The following ZBTB20 variants were observed in gnomAD, a reference collection of about 807,000 sequenced individuals.
ZBTB20 encodes zinc finger and BTB domain-containing protein 20.
ZBTB20 carries 9 observed loss-of-function variants against 56.9 expected under a neutral mutation model. The ratio of observed to expected loss-of-function variants is 0.16; its 90% CI spans 0.10 to 0.28. The LOEUF is 0.28. Ranked by LOEUF, ZBTB20 falls within the 10% of genes least tolerant of loss-of-function variation. The pLI is 1.00. For missense variants in ZBTB20, 655 were observed against 1,003.0 expected (o/e 0.65, Z 4.69); for synonymous variants, 417 against 420.7 (o/e 0.99, Z 0.11).
intron 2 of ZBTB20, among the ~76,000 whole-genome samples, chr3:115,066,220 C>T (rs1004004309): frequency 3.3e-5 from 5 of 152,048 alleles, no homozygotes; most frequent in African/African-American, 1.2e-4. Context: ...CCCTCAATTC[C>T]TTCCTGACCT....
At chr3:114,342,474 T>G (rs1391286737) in intron 11 of ZBTB20, among the ~76,000 whole-genome samples, 1 of 152,202 alleles carries the variant, frequency 6.6e-6, no homozygotes, top group Non-Finnish European at 1.5e-5. Flanking sequence ...TTCCTTCACT[T>G]TAAATGATCC....
At chr3:115,094,117 G>A (rs1333664847) in intron 1 of ZBTB20, among the ~76,000 whole-genome samples, 1 of 151,982 alleles carries the variant, frequency 6.6e-6, no homozygotes, top group Non-Finnish European at 1.5e-5. Context: ...TTCTAGAAAT[G>A]AGGTGAGGGG....
chr3:114,544,001 A>G (rs2049423162), intron 6 of ZBTB20, among the ~76,000 whole-genome samples: 1 of 152,202 alleles, frequency 6.6e-6, no homozygotes. Flanking sequence ...GATTTATTCC[A>G]CAACTATTCA....
chr3:114,497,542 A>G (rs1332914851), intron 7 of ZBTB20, among the ~76,000 whole-genome samples: 3 of 152,032 alleles, frequency 2.0e-5, no homozygotes, highest in Non-Finnish European at 4.4e-5. Context: ...GCTCTTTCAT[A>G]TCTACCTGGT....
chr3:115,080,918 C>T lies in ZBTB20; in HGVS notation c.-702-9504G>A, dbSNP rs1373488058. Among the ~76,000 whole-genome samples the T allele has an allele frequency of 3.3e-5, 5 of 152,058 alleles. No homozygotes were observed. In the South Asian group the frequency reaches 1.0e-3, roughly 31 times the overall value. ...TCAGATATAAAAACAAGTTATAAAG[C>T]TTCTATAATTAAAATAATGTGATAA... On this transcript the variant is annotated intron_variant, in intron 1 of 11. Coordinates refer to ENST00000675478, the MANE Select transcript of ZBTB20 (RefSeq NM_001348800.3).
chr3:114,547,239 G>T (rs1171234922), intron 6 of ZBTB20, among the ~76,000 whole-genome samples: 1 of 152,142 alleles, frequency 6.6e-6, no homozygotes, highest in Non-Finnish European at 1.5e-5. Context: ...CCAAGGCCAA[G>T]AAATGAGACA....
rs1316637651 is a variant in ZBTB20, at chr3:114,509,638, G to C, written c.-294-9247C>G. Among the ~76,000 whole-genome samples, 5 of 152,230 alleles carry C rather than the reference G, an allele frequency of 3.3e-5. No homozygotes were observed. In the East Asian group the frequency reaches 9.6e-4, roughly 29 times the overall value. The stretch of plus-strand genomic sequence containing the variant: ...TTCTCAAAAGTCATAAACATTTGGT[G>C]ACTCTCTGTATACTCCATGAAGTGC... On this transcript the variant is annotated intron_variant, in intron 6 of 11. Transcript: ENST00000675478.
chr3:115,101,512 C>A (rs1349156936), intron 1 of ZBTB20, among the ~76,000 whole-genome samples: 1 of 152,062 alleles, frequency 6.6e-6, no homozygotes, highest in African/African-American at 2.4e-5. Context: ...TAGTTTTAAG[C>A]CACTCTCCTC....
chr3:114,926,901 G>A (rs185720117), intron 3 of ZBTB20, among the ~76,000 whole-genome samples: 1 of 152,172 alleles, frequency 6.6e-6, no homozygotes, highest in East Asian at 1.9e-4. Context: ...ACCACATCTG[G>A]CTAATTTTCT....
At chr3:114,638,572 A>G (rs1159821758) in intron 6 of ZBTB20, among the ~76,000 whole-genome samples, 1 of 152,108 alleles carries the variant, frequency 6.6e-6, no homozygotes, top group Non-Finnish European at 1.5e-5. Context: ...CATTGGTCAC[A>G]TTCTTGGCAC....
chr3:114,568,421 G>A (rs1014450220), intron 6 of ZBTB20, among the ~76,000 whole-genome samples: 3 of 152,126 alleles, frequency 2.0e-5, no homozygotes, highest in Admixed American at 6.5e-5. Context: ...AAAAACTATC[G>A]CATAGCATTT....
At chr3:114,944,114 C>T (rs1304396742) in intron 3 of ZBTB20, among the ~76,000 whole-genome samples, 1 of 145,284 alleles carries the variant, frequency 6.9e-6, no homozygotes, top group Non-Finnish European at 1.5e-5. Flanking sequence ...AACTACCAAC[C>T]TAAGAAACCC....
chr3:114,509,859 C>T (rs2045128651), intron 6 of ZBTB20, among the ~76,000 whole-genome samples: 1 of 152,076 alleles, frequency 6.6e-6, no homozygotes, highest in African/African-American at 2.4e-5. Flanking sequence ...TGTGAGATTT[C>T]CTTGTAAATA....
chr3:114,940,091 AT>A (rs34080382), intron 3 of ZBTB20, among the ~76,000 whole-genome samples: 143,456 of 145,278 alleles, frequency 0.99, 71,228 homozygotes, highest in Middle Eastern at 1. Context: ...TAGTGCATTC[AT>A]TTTTTCAACA....
chr3:115,077,665 A>G (rs2082643376), intron 1 of ZBTB20, among the ~76,000 whole-genome samples: 1 of 152,252 alleles, frequency 6.6e-6, no homozygotes, highest in African/African-American at 2.4e-5. Context: ...TCATCAGAGT[A>G]ATTCAAATTA....
intron 2 of ZBTB20, among the ~76,000 whole-genome samples, chr3:115,050,590 TA>T (rs1230996350): frequency 1.8e-4 from 28 of 152,192 alleles, no homozygotes. Flanking sequence ...TATGCATTCC[TA>T]GGGGTCCTCT....
At chr3:114,844,467 G>T (rs2074560045) in intron 4 of ZBTB20, among the ~76,000 whole-genome samples, 1 of 106,148 alleles carries the variant, frequency 9.4e-6, no homozygotes, top group South Asian at 3.3e-4. Flanking sequence ...GTTACAGTGA[G>T]CTATGATCAT....
intron 3 of ZBTB20, among the ~76,000 whole-genome samples, chr3:114,934,230 A>C (rs767301119): frequency 6.6e-6 from 1 of 151,900 alleles, no homozygotes; most frequent in Non-Finnish European, 1.5e-5. Flanking sequence ...AACTTTCCCC[A>C]TTTCTAGACT....
At chr3:114,502,889 T>C (rs547642075) in intron 6 of ZBTB20, 1 of 152,130 alleles carries the variant, frequency 6.6e-6, no homozygotes, top group South Asian at 2.1e-4. Flanking sequence ...GAAAATATTA[T>C]TAGCAATTTT....
Sources: allele counts gnomAD v4.1 joint callset (sites outside exome capture counted in the v4.1 genomes callset), GRCh38; gene constraint gnomAD v4.1.1; transcripts MANE v1.5; gene names NCBI Gene and HGNC (gene_info 2026-07-23, HGNC 2026-07-21).